Variants in GPC6 observed in about 807,000 individuals in gnomAD.
GPC6 encodes glypican 6, also known as glypican-6.
GPC6 carries 14 observed loss-of-function variants against 55.2 expected under a neutral mutation model. The observed-to-expected ratio is 0.25, with a 90% CI of 0.17 to 0.40. The LOEUF (loss-of-function observed/expected upper bound fraction) is 0.40. Ranked by LOEUF, GPC6 falls within the 10% of genes least tolerant of loss-of-function variation. The probability of loss-of-function intolerance (pLI) is 1.00; values close to 1 mark genes in which losing one functional copy is unlikely to be tolerated. For missense variants in GPC6, 641 were observed against 708.5 expected (o/e 0.90, Z 1.08); for synonymous variants, 278 against 259.6 (o/e 1.07, Z -0.68).
intron 2 of GPC6, among the ~76,000 whole-genome samples, chr13:93,764,023 T>A (rs60764689): frequency 0.022 from 3,414 of 152,184 alleles, 149 homozygotes; most frequent in African/African-American, 0.077. Flanking sequence ...ATCTACTGAT[T>A]CCTTTTGAAT....
intron 3 of GPC6, among the ~76,000 whole-genome samples, chr13:93,895,087 CAT>C (rs1453057800): frequency 1.3e-5 from 2 of 148,656 alleles, no homozygotes; most frequent in Non-Finnish European, 3.0e-5. Flanking sequence ...CCTCTAAGTC[CAT>C]ATATGTCTAT....
chr13:94,329,852 C>G (rs1197068559), intron 6 of GPC6, among the ~76,000 whole-genome samples: 3 of 152,130 alleles, frequency 2.0e-5, no homozygotes, highest in Non-Finnish European at 4.4e-5. Flanking sequence ...AGAAATTTTA[C>G]CCTTTCCCAT....
intron 3 of GPC6, among the ~76,000 whole-genome samples, chr13:93,875,351 C>A (rs557518727): frequency 1.3e-5 from 2 of 152,164 alleles, no homozygotes; most frequent in African/African-American, 2.4e-5. Flanking sequence ...GTTTTCACTT[C>A]GCTGTTGCAA....
At chr13:93,787,029 T>G (rs1008839040) in intron 2 of GPC6, among the ~76,000 whole-genome samples, 6 of 152,314 alleles carry the variant, frequency 3.9e-5, no homozygotes, top group African/African-American at 1.4e-4. Context: ...CTTTCAAGTC[T>G]GAAAACATCA....
At chr13:94,079,268 A>T (rs1885025049) in intron 4 of GPC6, among the ~76,000 whole-genome samples, 1 of 152,072 alleles carries the variant, frequency 6.6e-6, no homozygotes, top group African/African-American at 2.4e-5. Flanking sequence ...GTACCTATAA[A>T]ATTTTCCCAG....
intron 1 of GPC6, among the ~76,000 whole-genome samples, chr13:93,399,119 G>A (rs368388705): frequency 5.3e-5 from 8 of 151,680 alleles, no homozygotes; most frequent in Admixed American, 1.3e-4. Flanking sequence ...CACATTCACC[G>A]TGGTCTCTCA....
At chr13:93,699,126 G>C (rs1199586937) in intron 2 of GPC6, among the ~76,000 whole-genome samples, 1 of 152,118 alleles carries the variant, frequency 6.6e-6, no homozygotes, top group African/African-American at 2.4e-5. Context: ...ACTGGCACAA[G>C]GGAGGGAGCC....
At chr13:93,263,651 C>T (rs569193030) in intron 1 of GPC6, among the ~76,000 whole-genome samples, 8 of 152,312 alleles carry the variant, frequency 5.3e-5, no homozygotes, top group African/African-American at 1.9e-4. Context: ...AGGCATGAGC[C>T]ACCACGCCCC....
Position 94,306,008 on chromosome 13 carries a change from C to G in GPC6, c.1037C>G (p.Pro346Arg). ...KVFQGCGQPK[P>R]APALRSARSA... ...TTTCAGGGATGTGGTCAGCCCAAAC[C>G]TGCTCCAGCCCTCAGATCTGCCCGC... The change falls in exon 6 of 9, where the codon CCT becomes CGT. Residue 346 changes from proline (P) to arginine (R), a missense_variant. By Grantham distance (103) the Pro-to-Arg change is moderately radical. Transcript: ENST00000377047. 6.2e-7 allele frequency: 1 copy of G among 1,614,126 alleles called. No homozygotes were observed. Among genetic ancestry groups the G allele is most frequent in the Non-Finnish European group, 8.5e-7 (1 of 1,179,978 alleles).
chr13:93,803,500 A>C (rs975503858), intron 2 of GPC6, among the ~76,000 whole-genome samples: 3 of 152,184 alleles, frequency 2.0e-5, no homozygotes, highest in Non-Finnish European at 2.9e-5. Flanking sequence ...GCAAAATGAT[A>C]CAGCTCCTAC....
chr13:94,177,786 T>C (rs1888835372), intron 4 of GPC6, among the ~76,000 whole-genome samples: 1 of 152,148 alleles, frequency 6.6e-6, no homozygotes, highest in South Asian at 2.1e-4. Context: ...TGACAGTATT[T>C]TTAAATAGGT....
At chr13:94,047,898 T>G (rs1345127872) in intron 4 of GPC6, among the ~76,000 whole-genome samples, 3 of 152,142 alleles carry the variant, frequency 2.0e-5, no homozygotes, top group Non-Finnish European at 2.9e-5. Context: ...GATTCGCAGT[T>G]GATAGATAAT....
chr13:93,666,986 T>G (rs1881163791), intron 2 of GPC6, among the ~76,000 whole-genome samples: 1 of 152,152 alleles, frequency 6.6e-6, no homozygotes, highest in African/African-American at 2.4e-5. Context: ...TGCTACAGTA[T>G]TCAAAATAAC....
At chr13:94,397,442 C>T (rs1390947589) in intron 7 of GPC6, among the ~76,000 whole-genome samples, 1 of 152,144 alleles carries the variant, frequency 6.6e-6, no homozygotes, top group Non-Finnish European at 1.5e-5. Context: ...AAATGTGAAA[C>T]TCAGAATCAT....
chr13:93,806,503 C>T (rs1886546903), intron 2 of GPC6, among the ~76,000 whole-genome samples: 1 of 152,050 alleles, frequency 6.6e-6, no homozygotes, highest in Non-Finnish European at 1.5e-5. Flanking sequence ...CCATGGCCAG[C>T]TAATTTTTGT....
intron 6 of GPC6, among the ~76,000 whole-genome samples, chr13:94,318,107 C>T (rs994940165): frequency 3.9e-5 from 6 of 152,086 alleles, no homozygotes; most frequent in African/African-American, 9.7e-5. Context: ...GAATTGGCAC[C>T]GCTCTCGGCT....
intron 1 of GPC6, among the ~76,000 whole-genome samples, chr13:93,420,376 AAGG>A (rs1876882446): frequency 6.6e-6 from 1 of 152,128 alleles, no homozygotes; most frequent in East Asian, 1.9e-4. Flanking sequence ...CTACCGTGGG[AAGG>A]AGGTGTCCAT....
intron 4 of GPC6, among the ~76,000 whole-genome samples, chr13:94,139,473 G>A (rs910278859): frequency 6.6e-6 from 1 of 152,090 alleles, no homozygotes; most frequent in Non-Finnish European, 1.5e-5. Flanking sequence ...GGGGCTCCTT[G>A]GATCTCTCAT....
chr13:93,676,106 TAAA>T (rs760322815), intron 2 of GPC6, among the ~76,000 whole-genome samples: 63 of 23,040 alleles, frequency 2.7e-3, no homozygotes, highest in East Asian at 0.011. Flanking sequence ...CTGTTTCTAC[TAAA>T]AAAAAAAAAA....
Sources: allele counts gnomAD v4.1 joint callset (sites outside exome capture counted in the v4.1 genomes callset), GRCh38; gene constraint gnomAD v4.1.1; transcripts MANE v1.5; gene names NCBI Gene and HGNC (gene_info 2026-07-23, HGNC 2026-07-21).